Variants in STPG2 observed in about 807,000 individuals in gnomAD.
The protein encoded by STPG2 is sperm-tail PG-rich repeat-containing protein 2.
In STPG2, 56 loss-of-function variants were observed where a neutral mutation model predicts 54.2. That is an observed-to-expected ratio of 1.03 (90% confidence interval 0.83 to 1.29). STPG2 has a LOEUF of 1.29. Among genes scored for constraint, STPG2 ranks in the 50% most tolerant of loss-of-function variants. STPG2 has a pLI of 0.00. For missense variants in STPG2, 596 were observed against 544.9 expected (o/e 1.09, Z -0.93); for synonymous variants, 200 against 181.8 (o/e 1.10, Z -0.81).
chr4:97,450,087 G>A (rs901732551), intron 4 of STPG2, among the ~76,000 whole-genome samples: 7 of 152,028 alleles, frequency 4.6e-5, no homozygotes, highest in African/African-American at 1.7e-4. Flanking sequence ...TCATTAAAAA[G>A]TCTAAAGAGA....
intron 5 of STPG2, among the ~76,000 whole-genome samples, chr4:98,034,927 C>T (rs1183893188): frequency 6.6e-6 from 1 of 152,140 alleles, no homozygotes; most frequent in East Asian, 1.9e-4. Context: ...CCCTTCCTTA[C>T]ACCTTATACA....
At chr4:97,903,048 G>C (rs890867163) in intron 8 of STPG2, among the ~76,000 whole-genome samples, 4 of 152,104 alleles carry the variant, frequency 2.6e-5, no homozygotes, top group Admixed American at 2.6e-4. Context: ...TAGAAGGATG[G>C]TTACTAGGAG....
intron 10 of STPG2, among the ~76,000 whole-genome samples, chr4:97,580,561 T>C (rs1732838769): frequency 6.6e-6 from 1 of 151,598 alleles, no homozygotes; most frequent in Admixed American, 6.6e-5. Context: ...TCTGTCTCTC[T>C]CCCTCTCACA....
chr4:97,578,940 T>C (rs1439691295), intron 10 of STPG2, among the ~76,000 whole-genome samples: 3 of 152,150 alleles, frequency 2.0e-5, no homozygotes, highest in African/African-American at 7.2e-5. Flanking sequence ...TTAATTAAGA[T>C]TTAAGAATTT....
At chr4:97,536,559 A>G (rs1290464895) in intron 4 of STPG2, among the ~76,000 whole-genome samples, 1 of 152,222 alleles carries the variant, frequency 6.6e-6, no homozygotes, top group African/African-American at 2.4e-5. Flanking sequence ...AATTAAAGAA[A>G]AAAGACATTC....
chr4:97,875,808 C>A (rs1174427902), intron 8 of STPG2, among the ~76,000 whole-genome samples: 1 of 151,734 alleles, frequency 6.6e-6, no homozygotes, highest in Non-Finnish European at 1.5e-5. Flanking sequence ...TGCTATTTTC[C>A]AACATTATCT....
chr4:97,656,843 A>G (rs1722231573), intron 10 of STPG2, among the ~76,000 whole-genome samples: 1 of 151,982 alleles, frequency 6.6e-6, no homozygotes, highest in African/African-American at 2.4e-5. Context: ...AATTAGCTAC[A>G]AGTTGTATTT....
At chr4:97,482,511 G>T (rs1730247933) in intron 4 of STPG2, among the ~76,000 whole-genome samples, 1 of 151,256 alleles carries the variant, frequency 6.6e-6, no homozygotes, top group East Asian at 1.9e-4. Context: ...CATAGACAAA[G>T]AAAAAATAAT....
At chr4:97,842,094 T>A (rs553833060) in intron 8 of STPG2, among the ~76,000 whole-genome samples, 1 of 151,964 alleles carries the variant, frequency 6.6e-6, no homozygotes, top group South Asian at 2.1e-4. Context: ...TTTTTTCTTG[T>A]TCCTTACATC....
intron 8 of STPG2, among the ~76,000 whole-genome samples, chr4:97,866,835 G>A (rs1437001827): frequency 6.6e-6 from 1 of 151,922 alleles, no homozygotes; most frequent in African/African-American, 2.4e-5. Context: ...GAAAGAGGAG[G>A]CAGGGTATCA....
At chr4:97,654,099 G>A (rs61171414) in intron 10 of STPG2, among the ~76,000 whole-genome samples, 3,925 of 152,244 alleles carry the variant, frequency 0.026, 103 homozygotes, top group African/African-American at 0.068. Flanking sequence ...TAGCTTTGGA[G>A]AATATCTTTA....
At chr4:97,911,485 A>C (rs1346042196) in intron 8 of STPG2, among the ~76,000 whole-genome samples, 3 of 152,102 alleles carry the variant, frequency 2.0e-5, no homozygotes, top group Non-Finnish European at 4.4e-5. Context: ...AGCTGGAGTC[A>C]GCCATCCTGG....
intron 5 of STPG2, among the ~76,000 whole-genome samples, chr4:97,984,801 T>TTCCGTGGTGTAAATAC (rs11272449): frequency 1.3e-5 from 2 of 152,006 alleles, no homozygotes; most frequent in Non-Finnish European, 2.9e-5. Flanking sequence ...ATTTGCTGAT[T>TTCCGTGGTGTAAATAC]ACCCGCAACA....
At chr4:97,776,446 CT>C (rs1726377693) in intron 9 of STPG2, among the ~76,000 whole-genome samples, 1 of 152,124 alleles carries the variant, frequency 6.6e-6, no homozygotes, top group Non-Finnish European at 1.5e-5. Flanking sequence ...TCATTGTCTC[CT>C]TTAACTTATT....
rs556541205 is a variant in STPG2, at chr4:97,741,579, T to C, written c.1205-28765A>G. On this transcript the variant is annotated intron_variant, in intron 9 of 10. Transcript: ENST00000295268. ...GACATGAACAGACACTTCTCAAAGG[T>C]AGACATGTATGCAGCCAAGAAACAC... is the stretch of plus-strand genomic sequence containing the variant. Among the ~76,000 whole-genome samples the C allele has an allele frequency of 4.8e-4, 73 of 152,074 alleles. 1 individual carries two copies. The South Asian group carries it at 0.015, about 32-fold the overall frequency.
intron 4 of STPG2, among the ~76,000 whole-genome samples, chr4:97,494,481 C>CT (rs1221500436): frequency 6.6e-6 from 1 of 151,520 alleles, no homozygotes; most frequent in Non-Finnish European, 1.5e-5. Flanking sequence ...GCTCTGCTCT[C>CT]TTTTACTTAT....
At chr4:97,777,126 G>T (rs1484494766) in intron 9 of STPG2, among the ~76,000 whole-genome samples, 1 of 152,062 alleles carries the variant, frequency 6.6e-6, no homozygotes, top group Non-Finnish European at 1.5e-5. Flanking sequence ...TTTACAGGAT[G>T]GTTAAAATGC....
chr4:98,057,890 G>C (rs1737527791), intron 5 of STPG2, among the ~76,000 whole-genome samples: 1 of 152,106 alleles, frequency 6.6e-6, no homozygotes, highest in African/African-American at 2.4e-5. Context: ...AAGAGATCAG[G>C]GGCCAGTATT....
intron 9 of STPG2, among the ~76,000 whole-genome samples, chr4:97,785,430 A>G (rs942055928): frequency 2.0e-5 from 3 of 152,070 alleles, no homozygotes; most frequent in African/African-American, 7.2e-5. Context: ...GAATGATTTC[A>G]TGTCATTGAT....
Sources: gnomAD v4.1 joint callset for allele counts (sites outside exome capture counted in the v4.1 genomes callset) on GRCh38, gnomAD v4.1.1 for gene constraint, MANE v1.5 for transcripts, NCBI Gene and HGNC (gene_info 2026-07-23, HGNC 2026-07-21) for gene names.